Variants in TFDP2 observed in about 807,000 individuals in gnomAD.
The protein encoded by TFDP2 is transcription factor Dp-2.
TFDP2 carries 17 observed loss-of-function variants against 59.3 expected under a neutral mutation model. The ratio of observed to expected loss-of-function variants is 0.29; its 90% CI spans 0.20 to 0.43. The LOEUF (loss-of-function observed/expected upper bound fraction) is 0.43, where lower values mean the gene tolerates loss of function less well. TFDP2 is among the 20% of genes least tolerant of loss of function. TFDP2 has a pLI of 1.00. For missense variants in TFDP2, 391 were observed against 528.8 expected, an observed-to-expected ratio of 0.74 and a Z score of 2.56; for synonymous variants, 180 against 194.7, an observed-to-expected ratio of 0.92 and a Z score of 0.63.
intron 4 of TFDP2, among the ~76,000 whole-genome samples, chr3:142,002,963 C>T (rs1158433212): frequency 2.6e-5 from 4 of 151,756 alleles, no homozygotes; most frequent in African/African-American, 9.7e-5. Context: ...GTAGTGTCTT[C>T]ACTACATGAA....
chr3:142,115,424 T>C (rs1435154154), intron 1 of TFDP2, among the ~76,000 whole-genome samples: 2 of 150,994 alleles, frequency 1.3e-5, no homozygotes, highest in Admixed American at 1.3e-4. Context: ...ATTCACGCCA[T>C]TCTCCTGCCT....
chr3:142,124,093 G>T (rs1384074900), intron 1 of TFDP2, among the ~76,000 whole-genome samples: 1 of 151,886 alleles, frequency 6.6e-6, no homozygotes, highest in Admixed American at 6.6e-5. Context: ...AATACATAGG[G>T]ATACAAAAAA....
At chr3:142,144,051 C>A (rs548082387) in intron 1 of TFDP2, among the ~76,000 whole-genome samples, 1 of 152,226 alleles carries the variant, frequency 6.6e-6, no homozygotes, top group Non-Finnish European at 1.5e-5. Flanking sequence ...TACATACATA[C>A]AATGAAGTAC....
chr3:142,087,403 A>C (rs1204427954), intron 3 of TFDP2, among the ~76,000 whole-genome samples: 1 of 152,098 alleles, frequency 6.6e-6, no homozygotes, highest in African/African-American at 2.4e-5. Context: ...AAAACAGACT[A>C]TTATCTTATG....
At chr3:142,086,413 G>C (rs550169268) in intron 3 of TFDP2, among the ~76,000 whole-genome samples, 3 of 152,294 alleles carry the variant, frequency 2.0e-5, no homozygotes, top group African/African-American at 7.2e-5. Context: ...TGACCAACCA[G>C]CTATAAATTG....
At chr3:141,993,975 T>C (rs1943031979) in intron 5 of TFDP2, among the ~76,000 whole-genome samples, 1 of 152,274 alleles carries the variant, frequency 6.6e-6, no homozygotes, top group South Asian at 2.1e-4. Flanking sequence ...CCAGCACTGC[T>C]GGCACAGGCT....
chr3:141,971,420 G>A (rs918024303), intron 8 of TFDP2, among the ~76,000 whole-genome samples: 1 of 151,082 alleles, frequency 6.6e-6, no homozygotes, highest in Non-Finnish European at 1.5e-5. Flanking sequence ...GTGTTGGCAG[G>A]CGCCTGTAAT....
intron 1 of TFDP2, among the ~76,000 whole-genome samples, chr3:142,135,825 T>C (rs2062708790): frequency 6.6e-6 from 1 of 152,134 alleles, no homozygotes; most frequent in African/African-American, 2.4e-5. Context: ...TTGGGTTGGT[T>C]CCAAGTCTTT....
intron 1 of TFDP2, among the ~76,000 whole-genome samples, chr3:142,105,408 G>A (rs914637659): frequency 6.6e-6 from 1 of 152,102 alleles, no homozygotes; most frequent in Non-Finnish European, 1.5e-5. Flanking sequence ...TGAAATATAA[G>A]CAGACATTGT....
chr3:141,992,023 C>CA (rs1220921497), intron 6 of TFDP2, among the ~76,000 whole-genome samples: 1 of 118,512 alleles, frequency 8.4e-6, no homozygotes, highest in Non-Finnish European at 1.6e-5. Flanking sequence ...GCTTGGGAGA[C>CA]AGAGGAAGAC....
chr3:142,012,015 C>CTTTTTT (rs1248723479), intron 3 of TFDP2, among the ~76,000 whole-genome samples: 6 of 138,238 alleles, frequency 4.3e-5, no homozygotes, highest in Non-Finnish European at 6.3e-5. Context: ...TTCTTTCTTT[C>CTTTTTT]TTTTTTTTTT....
chr3:141,968,099 C>T (rs1015688438), intron 9 of TFDP2, among the ~76,000 whole-genome samples: 4 of 150,110 alleles, frequency 2.7e-5, no homozygotes, highest in Non-Finnish European at 5.9e-5. Context: ...GAGAGGCTGC[C>T]GGGGGGAAGA....
rs561628623 is a variant in TFDP2, at chr3:142,074,896, A to G, written c.82+18165T>C. Among the ~76,000 whole-genome samples the G allele has an allele frequency of 3.9e-5, 6 of 152,286 alleles. 1 individual carries two copies. In the South Asian group the frequency reaches 1.2e-3, roughly 32 times the overall value. ...ACAATTAATGAATGAATGAATTTAA[A>G]AAGTCAAAAATAAAGTATCACAAAT... On this transcript the variant is annotated intron_variant, in intron 3 of 12. Transcript: ENST00000489671.
At chr3:142,011,999 TTTTC>T (rs1287715188) in intron 3 of TFDP2, among the ~76,000 whole-genome samples, 311 of 151,632 alleles carry the variant, frequency 2.1e-3, no homozygotes, top group African/African-American at 6.4e-3. Flanking sequence ...CTACACTTTT[TTTTC>T]TTTCTTTCTT....
intron 9 of TFDP2, 128 bp downstream of exon 9, chr3:141,969,943 TGA>T: frequency 8.4e-6 from 7 of 830,218 alleles, no homozygotes; most frequent in South Asian, 7.4e-5. Context: ...AGCTAGGAGG[TGA>T]GAGAGGCTGC....
intron 4 of TFDP2, among the ~76,000 whole-genome samples, chr3:142,002,025 C>T (rs1452127444): frequency 1.4e-5 from 2 of 144,154 alleles, no homozygotes; most frequent in African/African-American, 2.6e-5. Context: ...GACAAAGTCT[C>T]GCTCTGTTGC....
intron 3 of TFDP2, among the ~76,000 whole-genome samples, chr3:142,029,537 C>A (rs1946322130): frequency 6.6e-6 from 1 of 152,156 alleles, no homozygotes; most frequent in South Asian, 2.1e-4. Flanking sequence ...GGAAGCTGAA[C>A]AAAAGATGAC....
chr3:142,038,251 G>T (rs1946780871), intron 3 of TFDP2, among the ~76,000 whole-genome samples: 1 of 151,834 alleles, frequency 6.6e-6, no homozygotes, highest in African/African-American at 2.4e-5. Flanking sequence ...GGGAGTAGTG[G>T]CGGAAGCCTG....
chr3:142,112,070 A>C (rs1051026921), intron 1 of TFDP2, among the ~76,000 whole-genome samples: 6 of 152,216 alleles, frequency 3.9e-5, no homozygotes, highest in Non-Finnish European at 8.8e-5. Context: ...TGTCTAAAAA[A>C]AAAAAAATTA....
Sources: allele counts gnomAD v4.1 joint callset (sites outside exome capture counted in the v4.1 genomes callset), GRCh38; gene constraint gnomAD v4.1.1; transcripts MANE v1.5; gene names NCBI Gene and HGNC (gene_info 2026-07-23, HGNC 2026-07-21).